MAGI1: variants seen among roughly 807,000 people sequenced by gnomAD.
MAGI1 encodes the protein membrane-associated guanylate kinase, WW and PDZ domain-containing protein 1.
A neutral mutation model predicts 139.9 loss-of-function variants in MAGI1; 58 were observed. That is an observed-to-expected ratio of 0.41 (90% CI 0.34 to 0.52). The LOEUF (loss-of-function observed/expected upper bound fraction) is 0.52. MAGI1 is among the 20% of genes least tolerant of loss of function. The pLI is 0.12. For synonymous variants in MAGI1, 812 were observed against 737.9 expected (o/e 1.10, Z -1.63); for missense variants, 1,874 against 1,901.6 (o/e 0.99, Z 0.27).
chr3:65,582,430 C>T (rs946723903), intron 2 of MAGI1, among the ~76,000 whole-genome samples: 2 of 152,136 alleles, frequency 1.3e-5, no homozygotes, highest in Non-Finnish European at 2.9e-5. Flanking sequence ...TATGCACAGG[C>T]CTTCCTCAAT....
Position 65,491,944 on chromosome 3 carries a change from C to G in MAGI1, c.550+1568G>C, listed in dbSNP as rs115716579. 2.9e-3 allele frequency among the ~76,000 whole-genome samples: 448 copies of G among 152,294 alleles called. 1 individual carries two copies. Among genetic ancestry groups the G allele is most frequent in the African/African-American group, 0.01 (431 of 41,558 alleles). On this transcript the variant is annotated intron_variant, in intron 3 of 22. Transcript: ENST00000402939. Reference sequence around the variant, plus strand: ...GTACAAAGACAATGCTCCTTCCCGTCTTCTCCAAAGAACATCAAACCAGAA... The same window carrying G: ...GTACAAAGACAATGCTCCTTCCCGTGTTCTCCAAAGAACATCAAACCAGAA...
intron 22 of MAGI1, chr3:65,360,697 AG>A: frequency 3.0e-6 from 3 of 987,624 alleles, no homozygotes; most frequent in Non-Finnish European, 3.6e-6. Flanking sequence ...GGGATGGAGA[AG>A]TGTTGTATAC....
intron 18 of MAGI1, among the ~76,000 whole-genome samples, chr3:65,369,774 G>A (rs1198763378): frequency 6.6e-6 from 1 of 151,586 alleles, no homozygotes; most frequent in Non-Finnish European, 1.5e-5. Context: ...CACCCAACGT[G>A]CTGGGATTAC....
intron 22 of MAGI1, chr3:65,359,372 A>C (rs997762184): frequency 7.4e-7 from 1 of 1,356,652 alleles, no homozygotes; most frequent in Non-Finnish European, 9.5e-7. Flanking sequence ...ACATTTTTAG[A>C]CAGCCATAAG....
At chr3:65,561,956 T>C (rs1034024904) in intron 2 of MAGI1, among the ~76,000 whole-genome samples, 1 of 152,246 alleles carries the variant, frequency 6.6e-6, no homozygotes, top group South Asian at 2.1e-4. Context: ...TACAATAAGA[T>C]ATTTTTCAAG....
intron 2 of MAGI1, among the ~76,000 whole-genome samples, chr3:65,512,857 A>G (rs967754402): frequency 1.3e-5 from 2 of 151,864 alleles, no homozygotes; most frequent in Non-Finnish European, 2.9e-5. Flanking sequence ...CAGCCAAAAA[A>G]GAGAATTTTA....
intron 1 of MAGI1, among the ~76,000 whole-genome samples, chr3:65,671,459 A>G (rs1408712222): frequency 1.3e-5 from 2 of 152,306 alleles, no homozygotes; most frequent in South Asian, 2.1e-4. Flanking sequence ...GCCCCCTGCA[A>G]TTCAAAACTG....
intron 1 of MAGI1, chr3:65,844,237 G>C: frequency 2.1e-6 from 1 of 471,556 alleles, no homozygotes; most frequent in South Asian, 1.6e-5. Flanking sequence ...TCATTGAGCA[G>C]ATCCGGGTGA....
At chr3:65,775,687 T>A (rs2038357784) in intron 1 of MAGI1, among the ~76,000 whole-genome samples, 1 of 151,886 alleles carries the variant, frequency 6.6e-6, no homozygotes, top group Non-Finnish European at 1.5e-5. Flanking sequence ...ACACCTGTAA[T>A]CCCAGCATTT....
intron 1 of MAGI1, among the ~76,000 whole-genome samples, chr3:65,761,123 T>G (rs2036990904): frequency 6.6e-6 from 1 of 152,202 alleles, no homozygotes; most frequent in Non-Finnish European, 1.5e-5. Context: ...ACAACTTATG[T>G]GATCTGGAAT....
intron 1 of MAGI1, among the ~76,000 whole-genome samples, chr3:65,973,687 A>T (rs988407813): frequency 1.3e-5 from 2 of 152,240 alleles, no homozygotes; most frequent in African/African-American, 4.8e-5. Flanking sequence ...TAGTTTCATT[A>T]TCCATAAAAT....
intron 1 of MAGI1, among the ~76,000 whole-genome samples, chr3:65,710,491 G>A (rs1339125079): frequency 6.6e-6 from 1 of 151,764 alleles, no homozygotes; most frequent in Non-Finnish European, 1.5e-5. Flanking sequence ...TATTGAGGCT[G>A]GTCTCGAACT....
rs564049797 is a variant in MAGI1 at position 65,989,339 on chromosome 3, G to A, written c.313+48657C>T. 3.3e-5 allele frequency among the ~76,000 whole-genome samples: 5 copies of A among 152,270 alleles called. No individual in the cohort carries two copies. The South Asian group carries it at 6.2e-4, about 19-fold the overall frequency. ...GACTTGTCCAATGAACTTTTTAGAA[G>A]TTCTGTACTCCATTCCCATAAATTT... On this transcript the variant is annotated intron_variant, in intron 1 of 22. Coordinates refer to ENST00000402939, the MANE Select transcript of MAGI1 (RefSeq NM_001033057.2).
chr3:65,644,466 C>T (rs999192596), intron 1 of MAGI1, among the ~76,000 whole-genome samples: 3 of 148,334 alleles, frequency 2.0e-5, no homozygotes, highest in Non-Finnish European at 4.4e-5. Flanking sequence ...GAAGCTAAGA[C>T]GAGCAGATTT....
chr3:65,816,076 T>G (rs936025288), intron 1 of MAGI1, among the ~76,000 whole-genome samples: 10 of 152,114 alleles, frequency 6.6e-5, no homozygotes, highest in Non-Finnish European at 1.0e-4. Context: ...TGAGGGCATT[T>G]TTTCAAATAG....
intron 1 of MAGI1, among the ~76,000 whole-genome samples, chr3:65,782,471 G>A (rs1242482242): frequency 6.6e-6 from 1 of 152,078 alleles, no homozygotes; most frequent in Admixed American, 6.5e-5. Flanking sequence ...GTACATGTGT[G>A]TTAAGGCACT....
At chr3:65,815,217 G>C (rs549592883) in intron 1 of MAGI1, among the ~76,000 whole-genome samples, 19 of 152,118 alleles carry the variant, frequency 1.2e-4, no homozygotes, top group Non-Finnish European at 2.5e-4. Flanking sequence ...GACAATTCTG[G>C]GGCCCATGAT....
intron 1 of MAGI1, among the ~76,000 whole-genome samples, chr3:65,677,883 C>T (rs1291206053): frequency 6.6e-6 from 1 of 152,122 alleles, no homozygotes; most frequent in African/African-American, 2.4e-5. Flanking sequence ...AAAAGTTAGC[C>T]ACTTCACTGT....
intron 1 of MAGI1, among the ~76,000 whole-genome samples, chr3:65,901,702 C>G (rs2061240665): frequency 6.6e-6 from 1 of 152,204 alleles, no homozygotes. Flanking sequence ...TATCGGGGCT[C>G]TGGTCCAATC....
Sources: gnomAD v4.1 joint callset for allele counts (sites outside exome capture counted in the v4.1 genomes callset) on GRCh38, gnomAD v4.1.1 for gene constraint, MANE v1.5 for transcripts, NCBI Gene and HGNC (gene_info 2026-07-23, HGNC 2026-07-21) for gene names.